The following MYT1L variants were observed in gnomAD, a reference collection of about 807,000 sequenced individuals.
MYT1L encodes the protein myelin transcription factor 1-like protein.
Under a neutral mutation model 126.7 loss-of-function variants are expected in MYT1L, and 12 were observed. The ratio of observed to expected loss-of-function variants is 0.09; its 90% CI spans 0.06 to 0.15. The LOEUF is 0.15. Ranked by LOEUF, MYT1L falls within the 10% of genes least tolerant of loss-of-function variation. MYT1L has a pLI of 1.00. For synonymous variants in MYT1L, 541 were observed against 604.2 expected, an observed-to-expected ratio of 0.90 and a Z score of 1.53; for missense variants, 979 against 1,585.2, an observed-to-expected ratio of 0.62 and a Z score of 6.49.
intron 3 of MYT1L, among the ~76,000 whole-genome samples, chr2:2,115,277 G>A (rs1185432390): frequency 6.6e-6 from 1 of 152,186 alleles, no homozygotes; most frequent in Non-Finnish European, 1.5e-5. Context: ...GTGCCACAAG[G>A]CCAGTGTTTT....
chr2:1,810,855 G>C (rs4853830), intron 21 of MYT1L, among the ~76,000 whole-genome samples: 1 of 151,914 alleles, frequency 6.6e-6, no homozygotes, highest in African/African-American at 2.4e-5. Context: ...TGTGATGTTT[G>C]CATCTCATAA....
rs559985101 is a variant in MYT1L at position 1,943,360 on chromosome 2, G to A, written c.153-26C>T. ...CTAATTAAAAAAATAGAGAAGGCAG[G>A]GGAGAGAGAGAAAAAAAATATCTGT... On this transcript the variant is annotated intron_variant, in intron 8 of 24. Transcript: ENST00000647738. This position sits in a 1 kb window ranked among gnomAD's most constrained non-coding sequence, Gnocchi z 4.4. The A allele has an allele frequency of 1.3e-5, 20 of 1,505,324 alleles. No individual in the cohort carries two copies. The highest frequency in any genetic ancestry group is 1.6e-5 in the Non-Finnish European group (18 of 1,129,604). The allele number at this position is 1,505,324 out of a possible 1,614,324, so 93.2% of individuals were successfully genotyped here. A position where few individuals can be genotyped will look rare whatever the true frequency, so the allele number is the denominator to read the frequency against.
intron 2 of MYT1L, among the ~76,000 whole-genome samples, chr2:2,237,683 A>C (rs1387494175): frequency 6.6e-6 from 1 of 152,138 alleles, no homozygotes; most frequent in African/African-American, 2.4e-5. Context: ...GCCCCTTTAC[A>C]TAAACCACTT....
chr2:2,241,147 C>T (rs889463267), intron 2 of MYT1L, among the ~76,000 whole-genome samples: 8 of 152,060 alleles, frequency 5.3e-5, no homozygotes, highest in Non-Finnish European at 8.8e-5. Flanking sequence ...TGTTAGTGAA[C>T]GTGTTAATAA....
chr2:2,320,232 G>A (rs1235262272), intron 1 of MYT1L, among the ~76,000 whole-genome samples: 1 of 151,988 alleles, frequency 6.6e-6, no homozygotes, highest in African/African-American at 2.4e-5. Flanking sequence ...ACGTGTAAAA[G>A]CCCCAGAGCC....
chr2:2,322,695 A>G (rs984557899), intron 1 of MYT1L, among the ~76,000 whole-genome samples: 2 of 152,164 alleles, frequency 1.3e-5, no homozygotes, highest in Non-Finnish European at 2.9e-5. Context: ...ATAGAAATGC[A>G]CAAGGTGAGG....
At chr2:2,040,261 G>A (rs1195622422) in intron 4 of MYT1L, among the ~76,000 whole-genome samples, 2 of 152,166 alleles carry the variant, frequency 1.3e-5, no homozygotes, top group African/African-American at 4.8e-5. Flanking sequence ...CTTGATAAGT[G>A]ACTGAATTTC....
chr2:2,214,977 C>T lies in MYT1L; in HGVS notation c.-420-41989G>A, dbSNP rs534662329. Among the ~76,000 whole-genome samples the T allele has an allele frequency of 1.1e-4, 16 of 152,168 alleles. No individual in the cohort carries two copies. In the East Asian group the frequency reaches 2.9e-3, roughly 28 times the overall value. On this transcript the variant is annotated intron_variant, in intron 2 of 24. Coordinates refer to ENST00000647738, the MANE Select transcript of MYT1L (RefSeq NM_001303052.2). ...AGAACAACATTGTAAGATTCTTATACTACATGTGAAGTGGTATAATACAAC... is the reference window on the plus strand; with the variant it reads ...AGAACAACATTGTAAGATTCTTATATTACATGTGAAGTGGTATAATACAAC...
chr2:2,037,757 AAAAACAAAAC>A (rs548508138), intron 4 of MYT1L, among the ~76,000 whole-genome samples: 3 of 151,458 alleles, frequency 2.0e-5, no homozygotes, highest in South Asian at 2.1e-4. Flanking sequence ...ACTCCGTCTC[AAAAACAAAAC>A]AAAACAAAAC....
intron 4 of MYT1L, among the ~76,000 whole-genome samples, chr2:2,037,197 A>G (rs2066952543): frequency 6.6e-6 from 1 of 152,136 alleles, no homozygotes; most frequent in African/African-American, 2.4e-5. Flanking sequence ...TGCCTGCACG[A>G]TATTCTTATT....
At chr2:2,291,042 T>C (rs1320062747) in intron 1 of MYT1L, among the ~76,000 whole-genome samples, 4 of 151,234 alleles carry the variant, frequency 2.6e-5, no homozygotes, top group African/African-American at 9.7e-5. Context: ...ATTTAGATTA[T>C]GTAAGGGAAA....
chr2:2,053,431 T>A (rs185178148), intron 4 of MYT1L, among the ~76,000 whole-genome samples: 2 of 152,344 alleles, frequency 1.3e-5, no homozygotes, highest in Admixed American at 1.3e-4. Flanking sequence ...TATTTTACAA[T>A]TATTTTGAAA....
intron 5 of MYT1L, among the ~76,000 whole-genome samples, chr2:1,993,874 T>A (rs376933352): frequency 1.1e-4 from 17 of 152,282 alleles, no homozygotes; most frequent in African/African-American, 3.9e-4. Context: ...AGGGTAAGCG[T>A]TCTCTCACAC....
In MYT1L at chr2:2,047,916, C is replaced by T. The variant is rs2068382012; in HGVS notation, c.-158+6062G>A. 4.6e-5 allele frequency among the ~76,000 whole-genome samples: 7 copies of T among 152,312 alleles called. 1 individual carries two copies. The highest frequency in any genetic ancestry group is 1.7e-4 in the African/African-American group (7 of 41,572). On this transcript the variant is annotated intron_variant, in intron 4 of 24. Coordinates refer to ENST00000647738, the MANE Select transcript of MYT1L (RefSeq NM_001303052.2). ...CCACAGTACCATTTCCCAGCAAAGG[C>T]TGCAGAACACAAATTTCTTTCCAGG...
Position 2,004,643 on chromosome 2 carries a change from A to C in MYT1L, c.-157-7296T>G, listed in dbSNP as rs374227181. 6.9e-5 allele frequency among the ~76,000 whole-genome samples: 7 copies of C among 101,970 alleles called. 1 individual carries two copies. Among genetic ancestry groups the C allele is most frequent in the South Asian group, 3.7e-4 (1 of 2,710 alleles). The allele number at this position is 101,970 out of a possible 152,430, so 66.9% of individuals were successfully genotyped here. ...CCTGTGTGCCTTCTTTCCTGCAGGC[A>C]TTCTTTCCTGCGTGCCTTCTTTCCT... On this transcript the variant is annotated intron_variant, in intron 4 of 24. Transcript: ENST00000647738.
chr2:1,803,947 C>G (rs962032118), intron 22 of MYT1L, among the ~76,000 whole-genome samples: 1 of 152,178 alleles, frequency 6.6e-6, no homozygotes, highest in Non-Finnish European at 1.5e-5. Flanking sequence ...CAGGCACGTG[C>G]GCCTCGGCGT....
intron 5 of MYT1L, among the ~76,000 whole-genome samples, chr2:1,985,185 C>T (rs1190742748): frequency 6.6e-6 from 1 of 152,238 alleles, no homozygotes; most frequent in Non-Finnish European, 1.5e-5. Context: ...CAGACCCTGC[C>T]TTTCAGCTCC....
intron 1 of MYT1L, among the ~76,000 whole-genome samples, chr2:2,295,571 G>C (rs144298233): frequency 1.3e-4 from 18 of 136,776 alleles, no homozygotes; most frequent in African/African-American, 4.7e-4. Flanking sequence ...CAGACAGAGA[G>C]AGAGAGAGAG....
chr2:2,295,597 G>GAGAGAGAGACAGACAGAC (rs2095665412), intron 1 of MYT1L, among the ~76,000 whole-genome samples: 1 of 92,932 alleles, frequency 1.1e-5, no homozygotes, highest in African/African-American at 5.0e-5. Context: ...GACAGACAGA[G>GAGAGAGAGACAGACAGAC]AGAGAGACAG....
Sources: gnomAD v4.1 joint callset for allele counts (sites outside exome capture counted in the v4.1 genomes callset) on GRCh38, gnomAD v4.1.1 for gene constraint, Gnocchi (gnomAD v3.1) non-coding constraint, MANE v1.5 for transcripts, NCBI Gene and HGNC (gene_info 2026-07-23, HGNC 2026-07-21) for gene names.